Variants in MCOLN2 observed in about 807,000 individuals in gnomAD.
MCOLN2 encodes the protein mucolipin-2.
MCOLN2 carries 57 observed loss-of-function variants against 67.5 expected under a neutral mutation model. That is an observed-to-expected ratio of 0.84 (90% confidence interval 0.68 to 1.05). The LOEUF (loss-of-function observed/expected upper bound fraction) is 1.05. MCOLN2 is among the 50% of genes least tolerant of loss of function. The pLI, the probability that MCOLN2 is intolerant of heterozygous loss-of-function variation, is 0.00. For missense variants in MCOLN2, 620 were observed against 678.8 expected (o/e 0.91, Z 0.96); for synonymous variants, 246 against 233.3 (o/e 1.05, Z -0.50).
At chr1:84,936,172 A>G (rs899360005) in intron 11 of MCOLN2, among the ~76,000 whole-genome samples, 4 of 152,210 alleles carry the variant, frequency 2.6e-5, no homozygotes, top group African/African-American at 9.6e-5. Flanking sequence ...GGGTTAACAC[A>G]GCAAGGGAGA....
Position 84,956,509 on chromosome 1 carries a change from CT to C in MCOLN2, c.486del (p.Val163SerfsTer18), listed in dbSNP as rs1446775819. 6.2e-7 allele frequency: 1 copy of C among 1,612,364 alleles called. No individual in the cohort carries two copies. Among genetic ancestry groups the C allele is most frequent in the Non-Finnish European group, 8.5e-7 (1 of 1,179,282 alleles). ...CCTTTCTTGTAATGCTGCTTACAGA[CT>C]TTTAAGCCAATTCTATTGTCTTCAT... ...GENEDNRIGL[K>X]VCKQHYKKGT... On this transcript the variant is annotated frameshift_variant, in exon 4 of 14. Coordinates refer to ENST00000370608, the MANE Select transcript of MCOLN2 (RefSeq NM_153259.4). LOFTEE classifies it high-confidence loss of function.
intron 1 of MCOLN2, among the ~76,000 whole-genome samples, chr1:84,973,514 GT>G (rs1247753641): frequency 6.6e-6 from 1 of 152,092 alleles, no homozygotes; most frequent in African/African-American, 2.4e-5. Context: ...AGGTGCCTGT[GT>G]TTCACTTAGG....
At chr1:84,950,030 T>C (rs1446191191) in intron 6 of MCOLN2, among the ~76,000 whole-genome samples, 5 of 152,290 alleles carry the variant, frequency 3.3e-5, no homozygotes, top group East Asian at 1.9e-4. Flanking sequence ...AAATTCAGAA[T>C]ACCCCAGTAT....
intron 1 of MCOLN2, among the ~76,000 whole-genome samples, chr1:84,969,507 G>A (rs1337175447): frequency 6.6e-6 from 1 of 150,914 alleles, no homozygotes; most frequent in African/African-American, 2.4e-5. Context: ...GGAGGCAGAG[G>A]TTGCAGTAAG....
At chr1:84,985,504 AG>A (rs1317803993) in intron 1 of MCOLN2, among the ~76,000 whole-genome samples, 5 of 152,106 alleles carry the variant, frequency 3.3e-5, no homozygotes, top group Non-Finnish European at 7.4e-5. Flanking sequence ...CTCTCTCTTG[AG>A]CAGACTTCCT....
At chr1:84,986,750 T>C (rs1650527680) in intron 1 of MCOLN2, among the ~76,000 whole-genome samples, 1 of 151,804 alleles carries the variant, frequency 6.6e-6, no homozygotes, top group African/African-American at 2.4e-5. Flanking sequence ...CAAAAGAAGA[T>C]ATACAAATAG....
intron 1 of MCOLN2, among the ~76,000 whole-genome samples, chr1:84,980,230 C>T (rs919853540): frequency 1.3e-5 from 2 of 151,924 alleles, no homozygotes; most frequent in Non-Finnish European, 2.9e-5. Context: ...AGTGTTAAAA[C>T]GTCCACACTC....
At chr1:84,964,221 T>G (rs1291475587) in intron 2 of MCOLN2, among the ~76,000 whole-genome samples, 1 of 152,214 alleles carries the variant, frequency 6.6e-6, no homozygotes, top group Non-Finnish European at 1.5e-5. Flanking sequence ...GCATGTCATA[T>G]ACTGAAAACC....
chr1:84,952,523 A>AAC lies in MCOLN2; in HGVS notation c.571_572dup (p.Gln192PhefsTer3). ...TGGAGAGGTCCTGAAGGTCTAATTG[A>AAC]ACACAATCTAGGGCAATGAAAGAAC... On this transcript the variant is annotated frameshift_variant, in exon 5 of 14. Transcript: ENST00000370608. LOFTEE classifies it high-confidence loss of function. 6.2e-7 allele frequency: 1 copy of AAC among 1,607,038 alleles called. No homozygotes were observed. Among genetic ancestry groups the AAC allele is most frequent in the Non-Finnish European group, 8.5e-7 (1 of 1,173,534 alleles).
At chr1:84,991,670 A>G (rs1208970182) in intron 1 of MCOLN2, among the ~76,000 whole-genome samples, 1 of 152,150 alleles carries the variant, frequency 6.6e-6, no homozygotes, top group African/African-American at 2.4e-5. Flanking sequence ...CTAACCCTTC[A>G]GGAGTTTTCC....
intron 1 of MCOLN2, among the ~76,000 whole-genome samples, chr1:84,980,602 T>G (rs1045116682): frequency 6.6e-6 from 1 of 152,094 alleles, no homozygotes; most frequent in Non-Finnish European, 1.5e-5. Context: ...ATAAATGGTG[T>G]TGGGGAAACT....
At position 84,975,256 on chromosome 1, in the gene MCOLN2, A is replaced by G. The variant is rs141202235; in HGVS notation, c.78-9548T>C. Among the ~76,000 whole-genome samples the G allele has an allele frequency of 6.0e-4, 91 of 152,318 alleles. 1 individual carries two copies. Among genetic ancestry groups the G allele is most frequent in the African/African-American group, 2.0e-3 (85 of 41,568 alleles). On this transcript the variant is annotated intron_variant, in intron 1 of 13. Coordinates refer to ENST00000370608, the MANE Select transcript of MCOLN2 (RefSeq NM_153259.4). ...CAACACCCAGTGCTGTGCTGACTTCAGGTCTGACCCAGTGTAGTCACAGAG... is the reference window on the plus strand; with the variant it reads ...CAACACCCAGTGCTGTGCTGACTTCGGGTCTGACCCAGTGTAGTCACAGAG...
At chr1:84,952,628 G>T (rs1339244610) in intron 4 of MCOLN2, 98 bp from the exon 5 acceptor site, 3 of 744,796 alleles carry the variant, frequency 4.0e-6, no homozygotes, top group Non-Finnish European at 7.1e-6. Context: ...TACTTACGGA[G>T]TTTCAAAGTA....
rs1557627969 is a variant in MCOLN2, at chr1:84,931,498, A to C, written c.1406T>G (p.Phe469Cys). 6.2e-7 allele frequency: 1 copy of C among 1,614,074 alleles called. No individual in the cohort carries two copies. Among genetic ancestry groups the C allele is most frequent in the Non-Finnish European group, 8.5e-7 (1 of 1,179,982 alleles). Residue 469 changes from phenylalanine to cysteine, a missense_variant, in exon 12 of 14, where the codon TTT (phenylalanine) becomes TGT (cysteine). By Grantham distance (205) the Phe-to-Cys change is radical. Coordinates refer to ENST00000370608, the MANE Select transcript of MCOLN2 (RefSeq NM_153259.4). ...LVNGDDMFAT[F>C]AQIQQKSILV... ...GATGCTCTTCTGCTGGATTTGGGCA[A>C]AGGTTGCAAACATGTCATCACCGTT...
intron 1 of MCOLN2, among the ~76,000 whole-genome samples, chr1:84,987,584 A>ATACATCTATG (rs1557666025): frequency 0.26 from 15,256 of 58,652 alleles, 4,497 homozygotes; most frequent in Non-Finnish European, 0.31. Context: ...ATACATAGAT[A>ATACATCTATG]TATACATATG....
At chr1:84,944,696 T>C (rs1053105615) in intron 7 of MCOLN2, among the ~76,000 whole-genome samples, 1 of 152,132 alleles carries the variant, frequency 6.6e-6, no homozygotes, top group Non-Finnish European at 1.5e-5. Flanking sequence ...AGAGGGGACT[T>C]CGGAGTCACA....
intron 1 of MCOLN2, among the ~76,000 whole-genome samples, chr1:84,992,759 A>C (rs1483560334): frequency 2.6e-5 from 4 of 151,660 alleles, no homozygotes; most frequent in East Asian, 1.9e-4. Context: ...GTCTAAAAAA[A>C]CCACCTTAAT....
intron 4 of MCOLN2, among the ~76,000 whole-genome samples, chr1:84,955,708 G>A (rs559571366): frequency 2.6e-5 from 4 of 152,200 alleles, no homozygotes; most frequent in African/African-American, 9.7e-5. Context: ...ACCACAAGTA[G>A]TGGCTTGGAT....
At chr1:84,963,857 G>C (rs1403378824) in intron 2 of MCOLN2, among the ~76,000 whole-genome samples, 1 of 152,104 alleles carries the variant, frequency 6.6e-6, no homozygotes, top group East Asian at 1.9e-4. Context: ...GTTCTTTATA[G>C]CAATGGGAGA....
Sources: allele counts gnomAD v4.1 joint callset (sites outside exome capture counted in the v4.1 genomes callset), GRCh38; gene constraint gnomAD v4.1.1; transcripts MANE v1.5; gene names NCBI Gene and HGNC (gene_info 2026-07-23, HGNC 2026-07-21).